Variants in NLGN1 observed in about 807,000 individuals in gnomAD.
NLGN1 encodes neuroligin-1.
NLGN1 carries 12 observed loss-of-function variants against 65.5 expected under a neutral mutation model. The ratio of observed to expected loss-of-function variants is 0.18; its 90% CI spans 0.12 to 0.30. The LOEUF is 0.30. Among genes scored for constraint, NLGN1 ranks in the 10% least tolerant of loss-of-function variants. The probability of loss-of-function intolerance (pLI) is 1.00; values close to 1 mark genes in which losing one functional copy is unlikely to be tolerated. For missense variants in NLGN1, 750 were observed against 1,007.1 expected, an observed-to-expected ratio of 0.74 and a Z score of 3.46; for synonymous variants, 350 against 359.5, an observed-to-expected ratio of 0.97 and a Z score of 0.30.
rs371524282 is a variant in NLGN1, at chr3:173,467,459, G to A, written c.-321+32381G>A. On this transcript the variant is annotated intron_variant, in intron 2 of 6. Transcript: ENST00000457714. ...GTTATTGTTTTAGACAATTAATGAA[G>A]TTGGTCAAATTTTAGTGCAAATTGG... Among the ~76,000 whole-genome samples, 41 of 152,218 alleles carry A rather than the reference G, an allele frequency of 2.7e-4. No individual in the cohort carries two copies. The East Asian group carries it at 5.6e-3, about 21-fold the overall frequency.
intron 4 of NLGN1, among the ~76,000 whole-genome samples, chr3:173,942,383 T>C (rs1746317268): frequency 6.6e-6 from 1 of 152,056 alleles, no homozygotes; most frequent in South Asian, 2.1e-4. Flanking sequence ...GGATCATAAG[T>C]GTAAACTTGC....
In NLGN1 at chr3:173,491,751, T is replaced by G. The variant is rs774501049; in HGVS notation, c.-321+56673T>G. 1.4e-4 allele frequency among the ~76,000 whole-genome samples: 22 copies of G among 151,778 alleles called. 1 individual carries two copies. Among genetic ancestry groups the G allele is most frequent in the Non-Finnish European group, 2.6e-4 (18 of 68,014 alleles). On this transcript the variant is annotated intron_variant, in intron 2 of 6. Transcript: ENST00000457714. The stretch of plus-strand genomic sequence containing the variant: ...TATATCTCTAGGATGGTTCTTATTT[T>G]CCTTGATACGTCAAAATCTCCTAAA...
chr3:173,979,622 A>G (rs7618706), intron 4 of NLGN1, among the ~76,000 whole-genome samples: 1,542 of 152,292 alleles, frequency 0.01, 26 homozygotes, highest in African/African-American at 0.036. Context: ...TGTGTAAAGT[A>G]TGATCTGGTA....
At chr3:174,009,070 A>G (rs1018031480) in intron 4 of NLGN1, among the ~76,000 whole-genome samples, 1 of 152,154 alleles carries the variant, frequency 6.6e-6, no homozygotes. Context: ...GTCCAAGATC[A>G]AGGCATTGGC....
At chr3:173,955,568 C>G (rs1475823236) in intron 4 of NLGN1, among the ~76,000 whole-genome samples, 1 of 152,122 alleles carries the variant, frequency 6.6e-6, no homozygotes, top group Non-Finnish European at 1.5e-5. Flanking sequence ...TAGCCAGCTT[C>G]CTTGCCAATC....
chr3:173,561,085 C>T (rs1217269301), intron 2 of NLGN1, among the ~76,000 whole-genome samples: 4 of 152,138 alleles, frequency 2.6e-5, no homozygotes, highest in Non-Finnish European at 4.4e-5. Context: ...ATCTAGTCCA[C>T]AACACCCCAG....
At chr3:173,846,704 C>G (rs1035397326) in intron 4 of NLGN1, among the ~76,000 whole-genome samples, 1 of 152,074 alleles carries the variant, frequency 6.6e-6, no homozygotes, top group Non-Finnish European at 1.5e-5. Context: ...AGGAGAAAAT[C>G]GAGATATGGA....
intron 2 of NLGN1, among the ~76,000 whole-genome samples, chr3:173,578,743 T>C (rs1327168306): frequency 6.6e-6 from 1 of 152,158 alleles, no homozygotes; most frequent in Non-Finnish European, 1.5e-5. Context: ...AAATCAATCA[T>C]GGTACTATGG....
chr3:173,399,936 G>C (rs1717350488), intron 1 of NLGN1: 1 of 152,040 alleles, frequency 6.6e-6, no homozygotes, highest in Non-Finnish European at 1.5e-5. Flanking sequence ...TTCATGTATT[G>C]AAACAGTTTT....
intron 1 of NLGN1, among the ~76,000 whole-genome samples, chr3:173,428,038 A>G (rs1716475189): frequency 6.6e-6 from 1 of 151,836 alleles, no homozygotes; most frequent in Non-Finnish European, 1.5e-5. Flanking sequence ...CTCCTGTTAT[A>G]TTGACCCACT....
exon 3 of NLGN1, chr3:173,605,027 A>C (rs747235636): frequency 5.6e-6 from 9 of 1,613,374 alleles, no homozygotes; most frequent in Non-Finnish European, 7.6e-6. Context: ...ATGTGGTTTC[A>C]TCATATGTGC....
At chr3:174,014,112 G>C (rs533093717) in intron 4 of NLGN1, among the ~76,000 whole-genome samples, 70 of 152,132 alleles carry the variant, frequency 4.6e-4, no homozygotes, top group Admixed American at 1.3e-3. Context: ...GATTTTGCAA[G>C]TGTTGAAGAG....
chr3:173,979,995 A>G (rs1024797180), intron 4 of NLGN1, among the ~76,000 whole-genome samples: 1 of 152,110 alleles, frequency 6.6e-6, no homozygotes, highest in African/African-American at 2.4e-5. Flanking sequence ...ACTTGCTTCC[A>G]TTCTCATCTT....
At chr3:173,752,092 C>A (rs1242945083) in intron 3 of NLGN1, among the ~76,000 whole-genome samples, 1 of 152,012 alleles carries the variant, frequency 6.6e-6, no homozygotes, top group Admixed American at 6.6e-5. Context: ...TGGACATATG[C>A]CCTGTATTTG....
At chr3:174,276,157 T>TA in intron 5 of NLGN1, among the ~76,000 whole-genome samples, 1 of 151,864 alleles carries the variant, frequency 6.6e-6, no homozygotes, top group Non-Finnish European at 1.5e-5. Flanking sequence ...TTTTTCCCCC[T>TA]AAACTTGGCA....
At chr3:173,500,152 A>G (rs1029314903) in intron 2 of NLGN1, among the ~76,000 whole-genome samples, 1 of 152,112 alleles carries the variant, frequency 6.6e-6, no homozygotes, top group East Asian at 1.9e-4. Flanking sequence ...GAATGCTTCC[A>G]GTTTTTGTCC....
At chr3:173,429,944 T>C (rs1716888050) in intron 1 of NLGN1, among the ~76,000 whole-genome samples, 1 of 152,086 alleles carries the variant, frequency 6.6e-6, no homozygotes, top group African/African-American at 2.4e-5. Context: ...AGCTGCTGAG[T>C]TTTGTGCCCT....
chr3:173,960,127 G>A (rs1161536537), intron 4 of NLGN1, among the ~76,000 whole-genome samples: 1 of 152,012 alleles, frequency 6.6e-6, no homozygotes, highest in African/African-American at 2.4e-5. Flanking sequence ...ACATAAGACA[G>A]AAGTTTATCT....
At chr3:174,080,633 A>G (rs974513902) in intron 4 of NLGN1, among the ~76,000 whole-genome samples, 5 of 151,958 alleles carry the variant, frequency 3.3e-5, no homozygotes, top group African/African-American at 1.2e-4. Context: ...TTCTTCCCTT[A>G]CCAGTCGTTC....
Sources: allele counts gnomAD v4.1 joint callset (sites outside exome capture counted in the v4.1 genomes callset), GRCh38; gene constraint gnomAD v4.1.1; transcripts MANE v1.5; gene names NCBI Gene and HGNC (gene_info 2026-07-23, HGNC 2026-07-21).